Variants in NDUFA10 observed in about 807,000 individuals in gnomAD.
NDUFA10 encodes the protein NADH:ubiquinone oxidoreductase subunit A10, also known as NADH dehydrogenase [ubiquinone] 1 alpha subcomplex subunit 10, mitochondrial.
NDUFA10 carries 40 observed loss-of-function variants against 47.8 expected under a neutral mutation model. The observed-to-expected ratio is 0.84, with a 90% confidence interval of 0.65 to 1.09. The LOEUF is 1.09. NDUFA10 is among the 50% of genes least tolerant of loss of function. NDUFA10 has a pLI of 0.00. For synonymous variants in NDUFA10, 183 were observed against 172.2 expected, an observed-to-expected ratio of 1.06 and a Z score of -0.49; for missense variants, 413 against 451.1, an observed-to-expected ratio of 0.92 and a Z score of 0.76.
intron 6 of NDUFA10, among the ~76,000 whole-genome samples, chr2:240,010,067 A>C (rs555393865): frequency 1.3e-5 from 2 of 152,380 alleles, no homozygotes; most frequent in African/African-American, 4.8e-5. Context: ...ATCCAAGTCC[A>C]TCACAAAGCT....
At chr2:240,002,543 C>T (rs1696769300) in intron 8 of NDUFA10, among the ~76,000 whole-genome samples, 1 of 151,948 alleles carries the variant, frequency 6.6e-6, no homozygotes, top group Non-Finnish European at 1.5e-5. Flanking sequence ...CTTCAATACA[C>T]ATGGCCTAGC....
chr2:239,910,193 G>A lies in NDUFA10; in HGVS notation c.295-14879C>T, dbSNP rs528531324. 2.6e-5 allele frequency among the ~76,000 whole-genome samples: 4 copies of A among 152,296 alleles called. No individual in the cohort carries two copies. The East Asian group carries it at 7.7e-4, about 29-fold the overall frequency. On this transcript the variant is annotated intron_variant, in intron 4 of 5. Coordinates refer to the NDUFA10 transcript ENST00000419408. ...AGATCCAGAAGCAGAAATACCATTT[G>A]ACCCAGCAATCCTGTTACTGCATAT...
At position 240,025,298 on chromosome 2, in the gene NDUFA10, C is replaced by G. The variant is rs982197893; in HGVS notation, c.4G>C (p.Ala2Pro). Residue 2 changes from alanine to proline, a missense_variant, in exon 1 of 10, where the codon GCC becomes CCC. Physicochemically the swap from Ala to Pro is conservative, Grantham distance 27. Coordinates refer to ENST00000252711, the MANE Select transcript of NDUFA10 (RefSeq NM_004544.4). MALRLLKLAATS... is the reference protein window; with the variant it reads MPLRLLKLAATS... ...GCTGCCAGCTTCAGGAGCCGCAAGG[C>G]CATGGCTACCCGGTCAGCTCAGGAT... 2.0e-6 allele frequency: 3 copies of G among 1,505,958 alleles called. No homozygotes were observed. The East Asian group carries it at 8.2e-5, about 41-fold the overall frequency. The allele number at this position is 1,505,958 out of a possible 1,614,324, so 93.3% of individuals were successfully genotyped here. A position where few individuals can be genotyped will look rare whatever the true frequency, so the allele number is the denominator to read the frequency against.
intron 4 of NDUFA10, among the ~76,000 whole-genome samples, chr2:239,921,678 G>T (rs1028702887): frequency 7.3e-6 from 1 of 136,576 alleles, no homozygotes; most frequent in African/African-American, 2.5e-5. Flanking sequence ...ACTGATTGGC[G>T]CATTTTACAA....
intron 4 of NDUFA10, chr2:240,017,720 G>C: frequency 1.0e-6 from 1 of 973,134 alleles, no homozygotes; most frequent in Non-Finnish European, 1.6e-6. Flanking sequence ...CGGGCTTGCA[G>C]TGCTCTTGCG....
intron 3 of NDUFA10, among the ~76,000 whole-genome samples, chr2:240,020,377 G>C (rs1205144333): frequency 1.3e-5 from 2 of 152,238 alleles, no homozygotes; most frequent in Non-Finnish European, 2.9e-5. Context: ...TGTGCCATTT[G>C]CTGCTACCTG....
intron 8 of NDUFA10, among the ~76,000 whole-genome samples, chr2:239,992,181 T>A (rs1209811376): frequency 6.6e-6 from 1 of 152,202 alleles, no homozygotes; most frequent in African/African-American, 2.4e-5. Flanking sequence ...AAAGAAAATA[T>A]TCTCTTCACA....
intron 4 of NDUFA10, among the ~76,000 whole-genome samples, chr2:239,911,670 A>AGTGTGTGT (rs146389087): frequency 0.078 from 11,471 of 146,454 alleles, 512 homozygotes; most frequent in Middle Eastern, 0.085. Flanking sequence ...AACATGAGAG[A>AGTGTGTGT]GTGTGTGTGC....
chr2:239,895,252 G>A (rs62181292), exon 5 of NDUFA10: 20,648 of 469,188 alleles, frequency 0.044, 532 homozygotes, highest in Middle Eastern at 0.055. Context: ...ACCATTCTGA[G>A]AACAGGGAGC....
At chr2:239,954,741 T>A (rs891681548), downstream of NDUFA10, among the ~76,000 whole-genome samples, 3 of 152,236 alleles carry the variant, frequency 2.0e-5, no homozygotes, top group African/African-American at 7.2e-5. Context: ...TAGCATTTTT[T>A]TATTTTTTTG....
At chr2:239,893,221 A>G (rs13408599) in intron 5 of NDUFA10, among the ~76,000 whole-genome samples, 19,289 of 152,222 alleles carry the variant, frequency 0.13, 1,343 homozygotes, top group South Asian at 0.18. Flanking sequence ...AGCACAGGGT[A>G]CACGGCAGAG....
At chr2:239,896,506 A>G (rs926379906) in intron 4 of NDUFA10, among the ~76,000 whole-genome samples, 1 of 152,230 alleles carries the variant, frequency 6.6e-6, no homozygotes, top group Non-Finnish European at 1.5e-5. Context: ...ACTGCAGCCA[A>G]TGACCCAGAC....
At chr2:239,993,457 C>CT (rs1165990137) in intron 8 of NDUFA10, among the ~76,000 whole-genome samples, 2 of 152,170 alleles carry the variant, frequency 1.3e-5, no homozygotes, top group African/African-American at 4.8e-5. Flanking sequence ...AACTACTGGG[C>CT]AGGTGGTGGT....
chr2:239,992,509 C>A (rs1696293467), intron 8 of NDUFA10, among the ~76,000 whole-genome samples: 1 of 152,130 alleles, frequency 6.6e-6, no homozygotes, highest in African/African-American at 2.4e-5. Context: ...CTTCTGAAAC[C>A]AAACTCACAT....
intron 6 of NDUFA10, among the ~76,000 whole-genome samples, chr2:240,010,911 T>C (rs1427526420): frequency 6.6e-6 from 1 of 152,172 alleles, no homozygotes; most frequent in Non-Finnish European, 1.5e-5. Context: ...GAACATGAGA[T>C]TTTTAGGCAC....
intron 4 of NDUFA10, among the ~76,000 whole-genome samples, chr2:240,015,848 C>T (rs1300507606): frequency 1.3e-5 from 2 of 152,184 alleles, no homozygotes; most frequent in Non-Finnish European, 2.9e-5. Context: ...CACAGAAAGA[C>T]AACTATTTTG....
At chr2:239,955,034 C>T (rs1574804389), downstream of NDUFA10, among the ~76,000 whole-genome samples, 2 of 152,338 alleles carry the variant, frequency 1.3e-5, no homozygotes, top group East Asian at 1.9e-4. Context: ...TGATTCTTCC[C>T]CTTCACAGAA....
At chr2:239,896,342 A>G (rs66839459) in intron 4 of NDUFA10, among the ~76,000 whole-genome samples, 19,292 of 152,334 alleles carry the variant, frequency 0.13, 1,344 homozygotes, top group South Asian at 0.18. Flanking sequence ...CATTAAGCCC[A>G]GCACAGAGCC....
At chr2:240,019,106 C>G (rs975098946) in intron 3 of NDUFA10, among the ~76,000 whole-genome samples, 2 of 152,192 alleles carry the variant, frequency 1.3e-5, no homozygotes, top group Non-Finnish European at 2.9e-5. Context: ...CCCAGCCAGC[C>G]TCCTTGCAGT....
Sources: allele counts gnomAD v4.1 joint callset (sites outside exome capture counted in the v4.1 genomes callset), GRCh38; gene constraint gnomAD v4.1.1; transcripts MANE v1.5; gene names NCBI Gene and HGNC (gene_info 2026-07-23, HGNC 2026-07-21).